The following ERI1 variants were observed in gnomAD, a reference collection of about 807,000 sequenced individuals.
ERI1 encodes exoribonuclease 1.
A neutral mutation model predicts 39.7 loss-of-function variants in ERI1; 39 were observed. The ratio of observed to expected loss-of-function variants is 0.98; its 90% CI spans 0.76 to 1.28. The LOEUF (loss-of-function observed/expected upper bound fraction) is 1.28. ERI1 is among the 50% of genes most tolerant of loss of function. The pLI, the probability that ERI1 is intolerant of heterozygous loss-of-function variation, is 0.00. For missense variants in ERI1, 581 were observed against 416.9 expected, an observed-to-expected ratio of 1.39 and a Z score of -3.43; for synonymous variants, 204 against 149.6, an observed-to-expected ratio of 1.36 and a Z score of -2.65.
intron 3 of ERI1, among the ~76,000 whole-genome samples, chr8:9,050,740 C>G (rs2117372337): frequency 6.6e-6 from 1 of 152,268 alleles, no homozygotes; most frequent in South Asian, 2.1e-4. Flanking sequence ...ATTCCGGTCT[C>G]AGCTTCAGGA....
In ERI1 at chr8:9,016,347, G is replaced by C; in HGVS notation, c.524G>C (p.Arg175Thr). 1 of 1,606,576 alleles carries C rather than the reference G, an allele frequency of 6.2e-7. No homozygotes were observed. The highest frequency in any genetic ancestry group is 2.3e-5 in the East Asian group (1 of 44,348). ...GAAGACACGTTTCAGCAGTATGTAA[G>C]ACCAGAGATTAACACACAGCTGTCT... is the stretch of plus-strand genomic sequence containing the variant. ...EIEDTFQQYVRPEINTQLSDF... is the reference protein window; with the variant it reads ...EIEDTFQQYVTPEINTQLSDF... Residue 175 changes from arginine (R) to threonine (T), a missense_variant, in exon 4 of 7, where the codon AGA becomes ACA. By Grantham distance (71) the Arg-to-Thr change is moderately conservative. Transcript: ENST00000250263.
chr8:9,051,122 T>C (rs1798341554), intron 3 of ERI1, among the ~76,000 whole-genome samples: 1 of 151,790 alleles, frequency 6.6e-6, no homozygotes, highest in South Asian at 2.1e-4. Flanking sequence ...TATATTACTT[T>C]CCCATAGGGA....
intron 3 of ERI1, among the ~76,000 whole-genome samples, chr8:9,075,554 C>T (rs1799184737): frequency 6.6e-6 from 1 of 151,426 alleles, no homozygotes; most frequent in Non-Finnish European, 1.5e-5. Flanking sequence ...AGCACTGACC[C>T]TATTATTAGA....
chr8:9,042,293 A>C (rs1444937498), intron 3 of ERI1, among the ~76,000 whole-genome samples: 1 of 152,202 alleles, frequency 6.6e-6, no homozygotes, highest in Non-Finnish European at 1.5e-5. Flanking sequence ...TGTGGCACAC[A>C]AGATTTCAAC....
chr8:9,093,829 G>C (rs1174278545), intron 3 of ERI1, among the ~76,000 whole-genome samples: 4 of 152,154 alleles, frequency 2.6e-5, no homozygotes, highest in African/African-American at 9.6e-5. Context: ...CACTCGCCTC[G>C]GCCTCCCAAA....
At chr8:9,008,917 T>G in intron 2 of ERI1, 1 of 434,770 alleles carries the variant, frequency 2.3e-6, no homozygotes, top group South Asian at 1.6e-5. Flanking sequence ...TTCTTCCTCT[T>G]TAGAGTTTCA....
chr8:9,016,479 TAAAA>T, intron 4 of ERI1, 74 bp downstream of exon 4: 1 of 857,814 alleles, frequency 1.2e-6, no homozygotes, highest in Non-Finnish European at 1.8e-6. Flanking sequence ...ATACATAATT[TAAAA>T]AAATTATTAC....
At chr8:9,079,450 TTAA>T (rs1799306835) in intron 3 of ERI1, among the ~76,000 whole-genome samples, 1 of 152,210 alleles carries the variant, frequency 6.6e-6, no homozygotes, top group Non-Finnish European at 1.5e-5. Flanking sequence ...TGAAGCTATT[TTAA>T]ATAATGCAAA....
At chr8:9,086,216 C>G (rs561236008) in intron 3 of ERI1, among the ~76,000 whole-genome samples, 1 of 152,204 alleles carries the variant, frequency 6.6e-6, no homozygotes, top group African/African-American at 2.4e-5. Context: ...GAGTTCAGGA[C>G]CAGCCTGGAC....
intron 3 of ERI1, among the ~76,000 whole-genome samples, chr8:9,097,598 G>A (rs567611353): frequency 5.9e-5 from 9 of 151,616 alleles, no homozygotes; most frequent in Non-Finnish European, 1.2e-4. Context: ...GAACCAGGGC[G>A]GCAGAAGTTG....
chr8:9,096,267 G>T (rs538804021), intron 3 of ERI1, among the ~76,000 whole-genome samples: 1 of 152,130 alleles, frequency 6.6e-6, no homozygotes, highest in Non-Finnish European at 1.5e-5. Context: ...GTCCTCTAAG[G>T]GTTTCCTGCT....
chr8:9,028,904 G>A (rs1797382402), intron 6 of ERI1, among the ~76,000 whole-genome samples: 1 of 151,656 alleles, frequency 6.6e-6, no homozygotes, highest in Admixed American at 6.6e-5. Context: ...GATTACAGGC[G>A]TGAGCTACCA....
rs199676911 is a variant in ERI1 at position 9,012,119 on chromosome 8, A to AT, written c.498+374dup. Among the ~76,000 whole-genome samples, 982 of 152,260 alleles carry AT rather than the reference A, an allele frequency of 6.4e-3. 12 individuals carry two copies. The highest frequency in any genetic ancestry group is 0.022 in the African/African-American group (921 of 41,550). ...CTCTGATAGGGCCTCTGACATCAGC[A>AT]TTTTTTTGAAGCTTTTCAGTTGGTT... On this transcript the variant is annotated intron_variant, in intron 3 of 6. Coordinates refer to ENST00000250263, the MANE Select transcript of ERI1 (RefSeq NM_153332.4).
intron 3 of ERI1, among the ~76,000 whole-genome samples, chr8:9,012,999 C>T (rs1298824129): frequency 6.6e-6 from 1 of 150,856 alleles, no homozygotes; most frequent in Admixed American, 6.6e-5. Context: ...ACCCTAACTC[C>T]TGGCAAAATT....
intron 3 of ERI1, among the ~76,000 whole-genome samples, chr8:9,038,644 C>G (rs1386706154): frequency 6.6e-6 from 1 of 152,150 alleles, no homozygotes; most frequent in East Asian, 1.9e-4. Flanking sequence ...GTAGTCCCAT[C>G]TACTTGGGGG....
intron 3 of ERI1, among the ~76,000 whole-genome samples, chr8:9,013,863 C>G (rs769629837): frequency 2.4e-4 from 37 of 152,144 alleles, no homozygotes; most frequent in Non-Finnish European, 4.4e-4. Flanking sequence ...GCTCTGCCTT[C>G]AAAATATATC....
In ERI1 at chr8:9,011,742, C is replaced by A; in HGVS notation, c.488C>A (p.Thr163Asn). The A allele has an allele frequency of 3.8e-6, 6 of 1,594,398 alleles. No homozygotes were observed. Among genetic ancestry groups the A allele is most frequent in the Non-Finnish European group, 5.1e-6 (6 of 1,167,786 alleles). The change falls in exon 3 of 7, where the codon ACT (threonine) becomes AAT (asparagine). Residue 163 changes from threonine to asparagine, a missense_variant. Coordinates refer to ENST00000250263, the MANE Select transcript of ERI1 (RefSeq NM_153332.4). ...CCGGTTGTTTTACTGAATACGCATA[C>A]TTTAGAAATAGTAAGTGAATTTTTG... is the stretch of plus-strand genomic sequence containing the variant. ...EFPVVLLNTH[T>N]LEIEDTFQQY... is the part of the protein sequence containing the mutation.
At chr8:9,061,544 C>T (rs35227233) in intron 3 of ERI1, among the ~76,000 whole-genome samples, 22,638 of 152,142 alleles carry the variant, frequency 0.15, 1,852 homozygotes, top group African/African-American at 0.2. Flanking sequence ...GACATGAGGG[C>T]TAGGCTAAAA....
rs572351115 is a variant in ERI1, at chr8:9,026,990, T to G, written c.808-2802T>G. On this transcript the variant is annotated intron_variant, in intron 6 of 6. Coordinates refer to ENST00000250263, the MANE Select transcript of ERI1 (RefSeq NM_153332.4). ...TCTTCCTGTATAACCAGAATAGGAG[T>G]TGGTGGAGCATGTGCTAATTCTATG... Among the ~76,000 whole-genome samples, 46 of 152,170 alleles carry G rather than the reference T, an allele frequency of 3.0e-4. 1 individual carries two copies. In the South Asian group the frequency reaches 9.5e-3, roughly 32 times the overall value.
Sources: gnomAD v4.1 joint callset for allele counts (sites outside exome capture counted in the v4.1 genomes callset) on GRCh38, gnomAD v4.1.1 for gene constraint, MANE v1.5 for transcripts, NCBI Gene and HGNC (gene_info 2026-07-23, HGNC 2026-07-21) for gene names.